Variants in CDC37L1 observed in about 807,000 individuals in gnomAD.
The protein encoded by CDC37L1 is hsp90 co-chaperone Cdc37-like 1.
A neutral mutation model predicts 45.9 loss-of-function variants in CDC37L1; 32 were observed. That is an observed-to-expected ratio of 0.70 (90% CI 0.53 to 0.94). The LOEUF (loss-of-function observed/expected upper bound fraction) is 0.94. CDC37L1 is among the 40% of genes least tolerant of loss of function. The pLI, the probability that CDC37L1 is intolerant of heterozygous loss-of-function variation, is 0.00. For missense variants in CDC37L1, 434 were observed against 405.7 expected (o/e 1.07, Z -0.60); for synonymous variants, 150 against 133.0 (o/e 1.13, Z -0.88).
chr9:4,692,308 C>A (rs1418673772), intron 3 of CDC37L1, among the ~76,000 whole-genome samples: 2 of 149,080 alleles, frequency 1.3e-5, no homozygotes, highest in African/African-American at 5.0e-5. Context: ...TCGCTCTTGT[C>A]CCCCAGGCTG....
intron 1 of CDC37L1, among the ~76,000 whole-genome samples, chr9:4,682,328 A>ATTTTTTTTTT (rs1841202653): frequency 1.6e-5 from 1 of 64,354 alleles, no homozygotes; most frequent in Non-Finnish European, 2.7e-5. Context: ...GTGCCCAGCT[A>ATTTTTTTTTT]ATTTTTTTTT....
intron 2 of CDC37L1, among the ~76,000 whole-genome samples, chr9:4,687,866 A>G (rs1431624493): frequency 6.6e-6 from 1 of 152,224 alleles, no homozygotes; most frequent in Non-Finnish European, 1.5e-5. Flanking sequence ...ATAATGCACA[A>G]GTAAACTATG....
At chr9:4,679,971 C>T (rs1025902548) in intron 1 of CDC37L1, 72 bp downstream of exon 1, 3 of 1,571,918 alleles carry the variant, frequency 1.9e-6, no homozygotes, top group Non-Finnish European at 2.6e-6. Flanking sequence ...GCCGCGTCTC[C>T]CAGACCCTCT....
rs934881177 is a variant in CDC37L1 at position 4,707,845 on chromosome 9, T to C, written c.*1733T>C. 2 of 152,200 alleles carry C rather than the reference T, an allele frequency of 1.3e-5. No homozygotes were observed. Among genetic ancestry groups the C allele is most frequent in the South Asian group, 4.1e-4 (2 of 4,826 alleles). 9.4% of individuals were successfully genotyped at this position (152,200 alleles called of 1,614,324 possible). The stretch of plus-strand genomic sequence containing the variant: ...TTTCACAGAAATGTTACTTGAATTA[T>C]TATTTTCCCTTCTTTCCCAGGATTT... On this transcript the variant is annotated 3_prime_UTR_variant, in exon 7 of 7. Coordinates refer to ENST00000381854, the MANE Select transcript of CDC37L1 (RefSeq NM_017913.4).
intron 2 of CDC37L1, among the ~76,000 whole-genome samples, chr9:4,686,291 A>G (rs939590837): frequency 3.3e-5 from 5 of 152,334 alleles, no homozygotes; most frequent in South Asian, 2.1e-4. Flanking sequence ...ATAAGTGTAC[A>G]TCGCCACTAG....
intron 5 of CDC37L1, among the ~76,000 whole-genome samples, chr9:4,700,260 A>ATCC (rs1841384706): frequency 6.6e-6 from 1 of 151,974 alleles, no homozygotes; most frequent in Admixed American, 6.6e-5. Flanking sequence ...GGCTCAAGCA[A>ATCC]TCCTCCTGCC....
At chr9:4,696,364 C>G (rs1441965903) in intron 3 of CDC37L1, among the ~76,000 whole-genome samples, 1 of 152,092 alleles carries the variant, frequency 6.6e-6, no homozygotes, top group African/African-American at 2.4e-5. Context: ...ATTCAGTTAG[C>G]CAGGCACAGT....
intron 1 of CDC37L1, among the ~76,000 whole-genome samples, chr9:4,683,753 GC>G (rs1161794368): frequency 6.6e-6 from 1 of 152,158 alleles, no homozygotes; most frequent in African/African-American, 2.4e-5. Context: ...AATTATAAGG[GC>G]TTGAATAGTG....
intron 3 of CDC37L1, among the ~76,000 whole-genome samples, chr9:4,695,313 T>C (rs893403734): frequency 1.3e-5 from 2 of 152,006 alleles, no homozygotes; most frequent in East Asian, 3.9e-4. Flanking sequence ...GCCTCCCAAA[T>C]AGTGGGGATT....
rs2130857398 is a variant in CDC37L1, at chr9:4,707,413, C to G, written c.*1301C>G. The G allele has an allele frequency of 6.6e-6, 1 of 152,304 alleles. No individual in the cohort carries two copies. Among genetic ancestry groups the G allele is most frequent in the East Asian group, 1.9e-4 (1 of 5,196 alleles). The allele number at this position is 152,304 out of a possible 1,614,324, so 9.4% of individuals were successfully genotyped here. On this transcript the variant is annotated 3_prime_UTR_variant, in exon 7 of 7. Transcript: ENST00000381854. ...TAGCAAACACTTGGAAGGTGGCTAA[C>G]TGGGACTGGGAATACGTGTCTCAAC...
chr9:4,699,238 A>C (rs571990671), intron 5 of CDC37L1, among the ~76,000 whole-genome samples: 13 of 152,320 alleles, frequency 8.5e-5, no homozygotes, highest in African/African-American at 2.9e-4. Context: ...GAGTATTCCT[A>C]ATCCAAAATC....
At chr9:4,681,707 T>C (rs1841195783) in intron 1 of CDC37L1, among the ~76,000 whole-genome samples, 2 of 152,232 alleles carry the variant, frequency 1.3e-5, no homozygotes, top group South Asian at 4.1e-4. Context: ...AACCTACTTA[T>C]TGGTCTTACT....
chr9:4,703,201 A>C, intron 6 of CDC37L1: 1 of 1,283,736 alleles, frequency 7.8e-7, no homozygotes, highest in Non-Finnish European at 1.0e-6. Flanking sequence ...TTTAAACCTC[A>C]TAAAGTGCTA....
rs1297587911 is a variant in CDC37L1, at chr9:4,683,411, T to C, written c.133-1466T>C. Among the ~76,000 whole-genome samples the C allele has an allele frequency of 2.6e-5, 4 of 151,904 alleles. No homozygotes were observed. The East Asian group carries it at 7.7e-4, about 29-fold the overall frequency. On this transcript the variant is annotated intron_variant, in intron 1 of 6. Transcript: ENST00000381854. ...ATGCATAACTTGGGTCGGGAGACAC[T>C]GGGTCAGAAAAAGTTTAGGGCATGC... is the stretch of plus-strand genomic sequence containing the variant.
chr9:4,682,341 T>TTC (rs201164499), intron 1 of CDC37L1, among the ~76,000 whole-genome samples: 1,807 of 144,812 alleles, frequency 0.012, 77 homozygotes, highest in Middle Eastern at 0.038. Flanking sequence ...TTTTTTTTTT[T>TTC]TTTGAGATGG....
At chr9:4,688,932 G>C (rs916164452) in intron 3 of CDC37L1, among the ~76,000 whole-genome samples, 1 of 151,466 alleles carries the variant, frequency 6.6e-6, no homozygotes, top group African/African-American at 2.4e-5. Flanking sequence ...TTGCTTCCTT[G>C]GAATCTGATT....
Position 4,684,799 on chromosome 9 carries a change from T to G in CDC37L1, c.133-78T>G, listed in dbSNP as rs76173046. ...ACCAAAATATTGTACAGAAATCCTT[T>G]GAATTAAGAAAAATTGAACTGTGCT... On this transcript the variant is annotated intron_variant, in intron 1 of 6. Transcript: ENST00000381854. 632 of 1,056,960 alleles carry G rather than the reference T, an allele frequency of 6.0e-4. 8 individuals are homozygous for G. The East Asian group carries it at 0.016, about 26-fold the overall frequency. The allele number at this position is 1,056,960 out of a possible 1,614,324, so 65.5% of individuals were successfully genotyped here.
Position 4,707,031 on chromosome 9 carries a change from A to G in CDC37L1, c.*919A>G, listed in dbSNP as rs921882950. 2 of 139,930 alleles carry G rather than the reference A, an allele frequency of 1.4e-5. No homozygotes were observed. Among genetic ancestry groups the G allele is most frequent in the Admixed American group, 1.4e-4 (2 of 13,860 alleles). 8.7% of individuals were successfully genotyped at this position (139,930 alleles called of 1,614,324 possible). ...ATTTTTTGATGTAGCCTTTTAAAAAAGGAGTCTTAAAAATGATTTTTTTTT... is the reference window on the plus strand; with the variant it reads ...ATTTTTTGATGTAGCCTTTTAAAAAGGGAGTCTTAAAAATGATTTTTTTTT... On this transcript the variant is annotated 3_prime_UTR_variant, in exon 7 of 7. Transcript: ENST00000381854.
intron 3 of CDC37L1, among the ~76,000 whole-genome samples, chr9:4,693,974 C>T (rs1054374813): frequency 2.6e-5 from 4 of 152,160 alleles, no homozygotes; most frequent in Admixed American, 6.5e-5. Flanking sequence ...TCTTCTCAGC[C>T]GCTGTCTTAA....
Sources: allele counts gnomAD v4.1 joint callset (sites outside exome capture counted in the v4.1 genomes callset), GRCh38; gene constraint gnomAD v4.1.1; transcripts MANE v1.5; gene names NCBI Gene and HGNC (gene_info 2026-07-23, HGNC 2026-07-21).